Variants in CDH4 observed in about 807,000 individuals in gnomAD.
CDH4 encodes the protein cadherin 4.
Under a neutral mutation model 86.0 loss-of-function variants are expected in CDH4, and 33 were observed. The ratio of observed to expected loss-of-function variants is 0.38; its 90% CI spans 0.29 to 0.51. The LOEUF is 0.51. CDH4 is among the 20% of genes least tolerant of loss of function. The pLI, the probability that CDH4 is intolerant of heterozygous loss-of-function variation, is 0.86. For missense variants in CDH4, 1,114 were observed against 1,307.4 expected, an observed-to-expected ratio of 0.85 and a Z score of 2.28; for synonymous variants, 555 against 549.4, an observed-to-expected ratio of 1.01 and a Z score of -0.14.
chr20:61,664,552 C>G (rs541406371), intron 2 of CDH4, among the ~76,000 whole-genome samples: 1 of 152,204 alleles, frequency 6.6e-6, no homozygotes, highest in Non-Finnish European at 1.5e-5. Context: ...AAGCAGCATG[C>G]GGAAAGCTGA....
At chr20:61,639,490 C>G (rs1317595404) in intron 2 of CDH4, among the ~76,000 whole-genome samples, 1 of 152,226 alleles carries the variant, frequency 6.6e-6, no homozygotes, top group African/African-American at 2.4e-5. Context: ...CAGTTCCTAA[C>G]CTGAAATAAA....
At chr20:61,381,666 A>AC (rs1246154839) in intron 2 of CDH4, among the ~76,000 whole-genome samples, 3 of 150,714 alleles carry the variant, frequency 2.0e-5, no homozygotes, top group Non-Finnish European at 4.4e-5. Context: ...CCACCAGTTA[A>AC]CCCCCCCACC....
intron 4 of CDH4, among the ~76,000 whole-genome samples, chr20:61,842,305 C>T (rs1366694652): frequency 6.6e-6 from 1 of 152,196 alleles, no homozygotes; most frequent in Non-Finnish European, 1.5e-5. Context: ...CTATGCCACA[C>T]GTGGGGCAGT....
At chr20:61,461,822 G>A (rs1416947505) in intron 2 of CDH4, among the ~76,000 whole-genome samples, 2 of 152,208 alleles carry the variant, frequency 1.3e-5, no homozygotes, top group Non-Finnish European at 2.9e-5. Context: ...CACTTGACTA[G>A]CAAGTGATGA....
chr20:61,821,690 C>T (rs1387249554), intron 4 of CDH4, among the ~76,000 whole-genome samples: 1 of 152,206 alleles, frequency 6.6e-6, no homozygotes, highest in Non-Finnish European at 1.5e-5. Flanking sequence ...CCTGAAAGAC[C>T]CTTGGGGGGG....
In CDH4 at chr20:61,708,686, T is replaced by C. The variant is rs2087858897; in HGVS notation, c.170-34877T>C. ...TTCCCATCCTTGGGGCTCAGAGAAA[T>C]GCTGCCTTCTCCGGGGAGGCCCCAT... On this transcript the variant is annotated intron_variant, in intron 2 of 15. Transcript: ENST00000614565. This position sits in a 1 kb window ranked among gnomAD's most constrained non-coding sequence, Gnocchi z 4.5. Among the ~76,000 whole-genome samples, 1 of 151,986 alleles carries C rather than the reference T, an allele frequency of 6.6e-6. No homozygotes were observed. Among genetic ancestry groups the C allele is most frequent in the South Asian group, 2.1e-4 (1 of 4,822 alleles).
intron 4 of CDH4, among the ~76,000 whole-genome samples, chr20:61,830,230 C>T (rs999556799): frequency 6.6e-6 from 1 of 151,966 alleles, no homozygotes; most frequent in African/African-American, 2.4e-5. Context: ...GCAGGCGAGT[C>T]CTCTCTTGTC....
chr20:61,323,361 GA>G (rs2084519515), intron 2 of CDH4, among the ~76,000 whole-genome samples: 1 of 152,176 alleles, frequency 6.6e-6, no homozygotes, highest in Non-Finnish European at 1.5e-5. Flanking sequence ...GGATGTTTGG[GA>G]AAGTCTTCAT....
At chr20:61,670,751 C>T (rs1050031982) in intron 2 of CDH4, among the ~76,000 whole-genome samples, 7 of 151,966 alleles carry the variant, frequency 4.6e-5, no homozygotes, top group African/African-American at 1.2e-4. Flanking sequence ...AGGGTGTCAA[C>T]GAGGATGAGG....
intron 2 of CDH4, among the ~76,000 whole-genome samples, chr20:61,496,953 T>C (rs2145595122): frequency 6.8e-6 from 1 of 148,042 alleles, no homozygotes; most frequent in Non-Finnish European, 1.5e-5. Flanking sequence ...GTTTTGGGGA[T>C]TGATTTTTTT....
intron 2 of CDH4, among the ~76,000 whole-genome samples, chr20:61,270,429 A>G (rs1402534035): frequency 2.0e-5 from 3 of 152,242 alleles, no homozygotes. Context: ...ATAAAAATGG[A>G]ATACCAGTGC....
At chr20:61,878,126 C>T (rs1984124146) in intron 7 of CDH4, among the ~76,000 whole-genome samples, 1 of 152,178 alleles carries the variant, frequency 6.6e-6, no homozygotes, top group Non-Finnish European at 1.5e-5. Context: ...AAAGCTAAGG[C>T]CCCATCGTGG....
chr20:61,393,031 A>C lies in CDH4; in HGVS notation c.169+138094A>C, dbSNP rs6089433. ...GGGATAGAAAACGTGAGGACAGAGC[A>C]GCTGCGGGGCCCCTCGGTGATCAGG... On this transcript the variant is annotated intron_variant, in intron 2 of 15. Coordinates refer to ENST00000614565, the MANE Select transcript of CDH4 (RefSeq NM_001794.5). This position sits in a 1 kb window ranked among gnomAD's most constrained non-coding sequence, Gnocchi z 4.3. Among the ~76,000 whole-genome samples, 77,663 of 151,924 alleles carry C rather than the reference A, an allele frequency of 0.51. 19,959 individuals carry two copies. The highest frequency in any genetic ancestry group is 0.56 in the East Asian group (2,871 of 5,162).
At chr20:61,824,534 C>T (rs184703391) in intron 4 of CDH4, among the ~76,000 whole-genome samples, 1 of 152,106 alleles carries the variant, frequency 6.6e-6, no homozygotes, top group East Asian at 1.9e-4. Flanking sequence ...CTATGCTGAG[C>T]CGTCTGCCCT....
At chr20:61,288,322 A>G (rs747010432) in intron 2 of CDH4, among the ~76,000 whole-genome samples, 4 of 152,186 alleles carry the variant, frequency 2.6e-5, no homozygotes, top group Non-Finnish European at 5.9e-5. Context: ...AGAGCTGAAA[A>G]CATCATGTTG....
Position 61,252,964 on chromosome 20 carries a change from T to C in CDH4, c.57+394T>C, listed in dbSNP as rs920722092. 2.0e-5 allele frequency among the ~76,000 whole-genome samples: 3 copies of C among 151,254 alleles called. No individual in the cohort carries two copies. Among genetic ancestry groups the C allele is most frequent in the Non-Finnish European group, 3.0e-5 (2 of 67,770 alleles). ...GCCCGGGAGCCGCGCGCCGCGGGAG[T>C]TGCCGAGCCCAGCCCCGGCCGTGGC... On this transcript the variant is annotated intron_variant, in intron 1 of 15. Transcript: ENST00000614565. This position sits in a 1 kb window ranked among gnomAD's most constrained non-coding sequence, Gnocchi z 4.4.
At chr20:61,514,071 T>C (rs928567434) in intron 2 of CDH4, among the ~76,000 whole-genome samples, 2 of 152,228 alleles carry the variant, frequency 1.3e-5, no homozygotes, top group Admixed American at 1.3e-4. Context: ...AGGCAGAAGC[T>C]ACAGGCAAAA....
At chr20:61,366,985 C>T (rs2084813731) in intron 2 of CDH4, among the ~76,000 whole-genome samples, 1 of 152,210 alleles carries the variant, frequency 6.6e-6, no homozygotes. Flanking sequence ...CTCCAGACAC[C>T]ACACAGAACA....
At chr20:61,726,676 AC>A (rs890909313) in intron 2 of CDH4, among the ~76,000 whole-genome samples, 1 of 151,426 alleles carries the variant, frequency 6.6e-6, no homozygotes, top group African/African-American at 2.4e-5. Flanking sequence ...TGCCATCATC[AC>A]CATCAGAGCC....
Sources: gnomAD v4.1 joint callset for allele counts (sites outside exome capture counted in the v4.1 genomes callset) on GRCh38, gnomAD v4.1.1 for gene constraint, Gnocchi (gnomAD v3.1) non-coding constraint, MANE v1.5 for transcripts, NCBI Gene and HGNC (gene_info 2026-07-23, HGNC 2026-07-21) for gene names.